TLN2: variants seen among roughly 807,000 people sequenced by gnomAD.
TLN2 encodes the protein talin 2.
TLN2 carries 118 observed loss-of-function variants against 294.7 expected under a neutral mutation model. The ratio of observed to expected loss-of-function variants is 0.40; its 90% CI spans 0.34 to 0.47. The LOEUF (loss-of-function observed/expected upper bound fraction) is 0.47, where lower values mean the gene tolerates loss of function less well. Among genes scored for constraint, TLN2 ranks in the 20% least tolerant of loss-of-function variants. TLN2 has a pLI of 0.84. For missense variants in TLN2, 3,083 were observed against 3,282.2 expected, an observed-to-expected ratio of 0.94 and a Z score of 1.48; for synonymous variants, 1,431 against 1,304.5, an observed-to-expected ratio of 1.10 and a Z score of -2.09.
chr15:62,816,044 A>G (rs939222280), intron 52 of TLN2, among the ~76,000 whole-genome samples: 4 of 152,186 alleles, frequency 2.6e-5, no homozygotes, highest in African/African-American at 4.8e-5. Context: ...TTGATCCCCA[A>G]ACTGTTAAGA....
chr15:62,715,259 G>C (rs1208749345), intron 22 of TLN2, among the ~76,000 whole-genome samples: 1 of 152,156 alleles, frequency 6.6e-6, no homozygotes, highest in Non-Finnish European at 1.5e-5. Context: ...TTAGCAAATT[G>C]GCCACTTGGA....
At chr15:62,601,323 A>T (rs2046985221) in intron 2 of TLN2, among the ~76,000 whole-genome samples, 1 of 152,228 alleles carries the variant, frequency 6.6e-6, no homozygotes, top group Non-Finnish European at 1.5e-5. Flanking sequence ...AATTGTGCCA[A>T]GGTTGAGAAA....
At chr15:62,537,881 C>T (rs534540072) in intron 1 of TLN2, among the ~76,000 whole-genome samples, 6 of 152,276 alleles carry the variant, frequency 3.9e-5, no homozygotes, top group African/African-American at 1.2e-4. Flanking sequence ...CAGTGTCTTG[C>T]CCATTCCCTC....
intron 37 of TLN2, among the ~76,000 whole-genome samples, chr15:62,756,671 G>GT (rs1422531431): frequency 1.3e-5 from 2 of 152,156 alleles, no homozygotes; most frequent in Non-Finnish European, 2.9e-5. Flanking sequence ...CAGTCCTAGA[G>GT]TAAGAGAAGT....
At chr15:62,404,067 T>G (rs2033224422) in intron 1 of TLN2, among the ~76,000 whole-genome samples, 1 of 152,142 alleles carries the variant, frequency 6.6e-6, no homozygotes. Flanking sequence ...TAGCCTTGGA[T>G]GAGGGAATGG....
chr15:62,739,670 C>A, intron 31 of TLN2, 125 bp downstream of exon 31: 3 of 1,139,502 alleles, frequency 2.6e-6, no homozygotes, highest in South Asian at 1.6e-5. Context: ...TGGTTGCATT[C>A]TTTTTGCTGC....
intron 1 of TLN2, among the ~76,000 whole-genome samples, chr15:62,569,987 T>G (rs542844988): frequency 4.6e-5 from 7 of 152,334 alleles, no homozygotes; most frequent in Admixed American, 4.6e-4. Flanking sequence ...AAGGCTGTGT[T>G]CAGTTCTCTG....
intron 6 of TLN2, among the ~76,000 whole-genome samples, 200 bp downstream of exon 6, chr15:62,652,334 G>C (rs10851716): frequency 0.44 from 66,418 of 151,904 alleles, 15,007 homozygotes; most frequent in Middle Eastern, 0.55. Context: ...AAGTCACAAC[G>C]GAGGGCTTTC....
chr15:62,632,665 G>A (rs1347268624), intron 3 of TLN2, among the ~76,000 whole-genome samples: 2 of 152,162 alleles, frequency 1.3e-5, no homozygotes, highest in African/African-American at 2.4e-5. Flanking sequence ...AGTATCTTGT[G>A]CATTATAGGT....
intron 1 of TLN2, among the ~76,000 whole-genome samples, chr15:62,437,771 G>GTGTC (rs148679294): frequency 1.1e-3 from 168 of 151,982 alleles, no homozygotes; most frequent in Middle Eastern, 3.4e-3. Flanking sequence ...GTGTGTGTGT[G>GTGTC]TGTCTGTCTG....
chr15:62,730,609 G>A (rs1425105672), intron 28 of TLN2, among the ~76,000 whole-genome samples: 1 of 152,124 alleles, frequency 6.6e-6, no homozygotes, highest in African/African-American at 2.4e-5. Flanking sequence ...ATTTTGGGTG[G>A]ATAATATCAC....
intron 1 of TLN2, among the ~76,000 whole-genome samples, chr15:62,456,166 C>T (rs1018389866): frequency 2.0e-5 from 3 of 152,158 alleles, no homozygotes; most frequent in African/African-American, 4.8e-5. Context: ...CTTCTCCAGC[C>T]TTCCTTTTCC....
chr15:62,545,514 T>TTGTG (rs56777565), intron 1 of TLN2, among the ~76,000 whole-genome samples: 3,298 of 145,998 alleles, frequency 0.023, 80 homozygotes, highest in African/African-American at 0.063. Context: ...TTCTTTCTCT[T>TTGTG]TGTGTGTGTG....
Position 62,707,203 on chromosome 15 carries a change from G to A in TLN2, c.2122G>A (p.Ala708Thr), listed in dbSNP as rs201705607. 28 of 1,613,886 alleles carry A rather than the reference G, an allele frequency of 1.7e-5. 1 individual carries two copies. Among genetic ancestry groups the A allele is most frequent in the Admixed American group, 1.7e-5 (1 of 59,988 alleles). Residue 708 changes from alanine to threonine, a missense_variant, in exon 20 of 59, where the codon GCT becomes ACT. By Grantham distance (58) the Ala-to-Thr change is moderately conservative. Coordinates refer to ENST00000636159, the MANE Select transcript of TLN2 (RefSeq NM_015059.3). The part of the protein sequence containing the change: ...DTVLQNRVIA[A>T]ATQCALSTSQ... ...TGTCCTACAGAACAGGGTAATTGCT[G>A]CTGCCACCCAGTGTGCCCTCTCCAC...
intron 1 of TLN2, among the ~76,000 whole-genome samples, chr15:62,496,200 A>T (rs552076490): frequency 6.6e-4 from 101 of 152,298 alleles, no homozygotes; most frequent in Non-Finnish European, 1.2e-3. Context: ...CACTGTTCCC[A>T]TGGATCTCTG....
intron 2 of TLN2, among the ~76,000 whole-genome samples, chr15:62,608,782 C>T (rs1297319917): frequency 6.6e-6 from 1 of 151,974 alleles, no homozygotes; most frequent in Admixed American, 6.6e-5. Flanking sequence ...GGCTTCTGTG[C>T]AGAACTGGTG....
chr15:62,774,858 T>A (rs894815718), intron 42 of TLN2, among the ~76,000 whole-genome samples: 2 of 152,138 alleles, frequency 1.3e-5, no homozygotes, highest in African/African-American at 4.8e-5. Context: ...TGAACCTTCC[T>A]GAGCCTGCAT....
rs747836269 is a variant in TLN2 at position 62,698,850 on chromosome 15, C to G, written c.1570C>G (p.Pro524Ala). 3.7e-6 allele frequency: 6 copies of G among 1,612,750 alleles called. No individual in the cohort carries two copies. Among genetic ancestry groups the G allele is most frequent in the Non-Finnish European group, 4.2e-6 (5 of 1,179,992 alleles). The change falls in exon 16 of 59, where the codon CCT becomes GCT. Residue 524 changes from proline (P) to alanine (A), a missense_variant. Transcript: ENST00000636159. ...TCTCAGTGAGCTCGACTCGCTGCCA[C>G]CTCTCGGCCAGGATATGGTAAATAC... ...DDLSELDSLP[P>A]LGQDMASRVW...
intron 1 of TLN2, among the ~76,000 whole-genome samples, chr15:62,491,349 T>TACACACAC (rs1446456385): frequency 5.6e-4 from 47 of 84,562 alleles, no homozygotes; most frequent in South Asian, 1.6e-3. Flanking sequence ...TATATATATA[T>TACACACAC]ATACACACAC....
Sources: gnomAD v4.1 joint callset for allele counts (sites outside exome capture counted in the v4.1 genomes callset) on GRCh38, gnomAD v4.1.1 for gene constraint, MANE v1.5 for transcripts, NCBI Gene and HGNC (gene_info 2026-07-23, HGNC 2026-07-21) for gene names.